CYYR1: variants seen among roughly 807,000 people sequenced by gnomAD.
The protein encoded by CYYR1 is cysteine and tyrosine-rich protein 1.
CYYR1 carries 14 observed loss-of-function variants against 15.2 expected under a neutral mutation model. The observed-to-expected ratio is 0.92, with a 90% confidence interval of 0.61 to 1.44. The LOEUF (loss-of-function observed/expected upper bound fraction) is 1.44, where lower values mean the gene tolerates loss of function less well. Ranked by LOEUF, CYYR1 falls within the 40% of genes most tolerant of loss-of-function variation. The probability of loss-of-function intolerance (pLI) is 0.00; values close to 1 mark genes in which losing one functional copy is unlikely to be tolerated. For synonymous variants in CYYR1, 80 were observed against 77.4 expected, an observed-to-expected ratio of 1.03 and a Z score of -0.18; for missense variants, 228 against 209.5, an observed-to-expected ratio of 1.09 and a Z score of -0.54.
intron 3 of CYYR1, among the ~76,000 whole-genome samples, chr21:26,469,410 T>C (rs1198733736): frequency 6.6e-6 from 1 of 152,164 alleles, no homozygotes; most frequent in Non-Finnish European, 1.5e-5. Context: ...ATTTTCTGAA[T>C]CTTATATGAA....
chr21:26,532,026 T>C (rs2065937132), intron 2 of CYYR1, among the ~76,000 whole-genome samples: 1 of 152,148 alleles, frequency 6.6e-6, no homozygotes, highest in South Asian at 2.1e-4. Context: ...GGTGGTGACT[T>C]TGAAGGATTC....
At chr21:26,498,658 C>G (rs1234703144) in intron 2 of CYYR1, among the ~76,000 whole-genome samples, 1 of 152,164 alleles carries the variant, frequency 6.6e-6, no homozygotes, top group Non-Finnish European at 1.5e-5. Flanking sequence ...TCTCATGTTA[C>G]TATATGGACA....
At chr21:26,505,256 A>G (rs1481837976) in intron 2 of CYYR1, among the ~76,000 whole-genome samples, 4 of 152,176 alleles carry the variant, frequency 2.6e-5, no homozygotes, top group African/African-American at 9.7e-5. Context: ...AGTAAGGTAA[A>G]TTATTTTGAA....
chr21:26,488,240 ACTTCCTTCCTTC>A (rs71336135), intron 2 of CYYR1, among the ~76,000 whole-genome samples: 4,549 of 139,402 alleles, frequency 0.033, 223 homozygotes, highest in African/African-American at 0.11. Context: ...ATCTTCCCCT[ACTTCCTTCCTTC>A]CTTCCTTCCT....
At chr21:26,482,463 C>A (rs2065194431) in intron 2 of CYYR1, 1 of 985,210 alleles carries the variant, frequency 1.0e-6, no homozygotes, top group Non-Finnish European at 1.2e-6. Context: ...ACTGGTTGTT[C>A]CGAACCTGGA....
chr21:26,564,776 A>G, intron 2 of CYYR1: 1 of 1,245,034 alleles, frequency 8.0e-7, no homozygotes, highest in African/African-American at 1.5e-5. Flanking sequence ...AATCAGTTTG[A>G]CTTCACATTC....
chr21:26,481,607 A>G (rs1481039844), intron 2 of CYYR1, among the ~76,000 whole-genome samples: 1 of 151,866 alleles, frequency 6.6e-6, no homozygotes, highest in Non-Finnish European at 1.5e-5. Flanking sequence ...TATGTACTAC[A>G]TTTTCTTTAT....
At chr21:26,472,933 T>G (rs370563687) in intron 3 of CYYR1, among the ~76,000 whole-genome samples, 2 of 152,280 alleles carry the variant, frequency 1.3e-5, no homozygotes, top group African/African-American at 4.8e-5. Context: ...ATGTGTTATT[T>G]TATTTGGTAT....
chr21:26,497,892 A>G (rs1476636884), intron 2 of CYYR1, among the ~76,000 whole-genome samples: 2 of 152,172 alleles, frequency 1.3e-5, no homozygotes, highest in African/African-American at 4.8e-5. Flanking sequence ...TAAGATCAAT[A>G]TGTGTAAATA....
At chr21:26,480,765 A>G (rs2123401513) in intron 2 of CYYR1, among the ~76,000 whole-genome samples, 1 of 152,308 alleles carries the variant, frequency 6.6e-6, no homozygotes, top group African/African-American at 2.4e-5. Flanking sequence ...TTTAAAAACC[A>G]TTCTGCTGTG....
intron 2 of CYYR1, among the ~76,000 whole-genome samples, chr21:26,499,643 G>C (rs2065453527): frequency 6.6e-6 from 1 of 152,206 alleles, no homozygotes; most frequent in African/African-American, 2.4e-5. Flanking sequence ...ATATCTGTGA[G>C]TGAGAAGCTG....
At chr21:26,541,798 T>C (rs931364310) in intron 2 of CYYR1, among the ~76,000 whole-genome samples, 3 of 152,182 alleles carry the variant, frequency 2.0e-5, no homozygotes, top group Admixed American at 6.5e-5. Context: ...GTTATTACAT[T>C]TTATGAGAAG....
chr21:26,562,399 G>C, intron 2 of CYYR1, among the ~76,000 whole-genome samples: 1 of 152,034 alleles, frequency 6.6e-6, no homozygotes, highest in East Asian at 1.9e-4. Flanking sequence ...TATAAAATCG[G>C]ATATCTGATT....
chr21:26,500,050 C>T (rs941376968), intron 2 of CYYR1, among the ~76,000 whole-genome samples: 3 of 152,030 alleles, frequency 2.0e-5, no homozygotes, highest in Non-Finnish European at 2.9e-5. Context: ...AAGGTGCTGG[C>T]AAATTTGGTT....
At chr21:26,565,721 C>T (rs951565899) in intron 2 of CYYR1, among the ~76,000 whole-genome samples, 1 of 152,188 alleles carries the variant, frequency 6.6e-6, no homozygotes, top group African/African-American at 2.4e-5. Context: ...TATCACTTTG[C>T]ATTACTCATA....
intron 2 of CYYR1, among the ~76,000 whole-genome samples, chr21:26,487,327 T>G (rs2065262757): frequency 6.6e-6 from 1 of 152,100 alleles, no homozygotes; most frequent in African/African-American, 2.4e-5. Context: ...ATTTTTATCT[T>G]TTGTTAAAGA....
At chr21:26,528,812 G>C (rs1192434073) in intron 2 of CYYR1, among the ~76,000 whole-genome samples, 1 of 152,180 alleles carries the variant, frequency 6.6e-6, no homozygotes, top group Non-Finnish European at 1.5e-5. Context: ...TTGACCTACA[G>C]TTACGGGAGC....
intron 2 of CYYR1, among the ~76,000 whole-genome samples, chr21:26,501,814 C>T (rs1427775047): frequency 6.6e-6 from 1 of 152,058 alleles, no homozygotes; most frequent in East Asian, 1.9e-4. Context: ...TAATGACAGC[C>T]TGCAAAGTGC....
intron 2 of CYYR1, among the ~76,000 whole-genome samples, chr21:26,562,694 G>C (rs998376178): frequency 3.6e-4 from 54 of 150,280 alleles, no homozygotes; most frequent in African/African-American, 1.3e-3. Context: ...CAGATTCCAT[G>C]TTGATGATCT....
Sources: allele counts gnomAD v4.1 joint callset (sites outside exome capture counted in the v4.1 genomes callset), GRCh38; gene constraint gnomAD v4.1.1; transcripts MANE v1.5; gene names NCBI Gene and HGNC (gene_info 2026-07-23, HGNC 2026-07-21).